The following TMEM132B variants were observed in gnomAD, a reference collection of about 807,000 sequenced individuals.
TMEM132B encodes the protein transmembrane protein 132B.
TMEM132B carries 18 observed loss-of-function variants against 90.8 expected under a neutral mutation model. The observed-to-expected ratio is 0.20, with a 90% CI of 0.14 to 0.29. The LOEUF (loss-of-function observed/expected upper bound fraction) is 0.29. Ranked by LOEUF, TMEM132B falls within the 10% of genes least tolerant of loss-of-function variation. The pLI is 1.00. For missense variants in TMEM132B, 1,096 were observed against 1,326.8 expected (o/e 0.83, Z 2.70); for synonymous variants, 504 against 523.3 (o/e 0.96, Z 0.50).
chr12:125,239,325 A>G (rs1285464771), intron 1 of TMEM132B, among the ~76,000 whole-genome samples: 1 of 152,158 alleles, frequency 6.6e-6, no homozygotes, highest in Non-Finnish European at 1.5e-5. Context: ...TGGGGATTGA[A>G]TTATAGTCAT....
At chr12:125,527,384 C>G (rs1437864438) in intron 4 of TMEM132B, among the ~76,000 whole-genome samples, 3 of 137,474 alleles carry the variant, frequency 2.2e-5, no homozygotes, top group African/African-American at 8.2e-5. Context: ...ACTCTTCCAT[C>G]CACCCATCCA....
chr12:125,417,159 G>A (rs1323683130), intron 3 of TMEM132B, among the ~76,000 whole-genome samples: 2 of 152,066 alleles, frequency 1.3e-5, no homozygotes, highest in Non-Finnish European at 2.9e-5. Context: ...GTCACAAGAT[G>A]TCTGCAGCTC....
intron 1 of TMEM132B, among the ~76,000 whole-genome samples, chr12:125,302,190 C>G: frequency 6.6e-6 from 1 of 151,674 alleles, no homozygotes; most frequent in Non-Finnish European, 1.5e-5. Flanking sequence ...CAGAGGGAGA[C>G]TCTGTCTCAA....
intron 3 of TMEM132B, among the ~76,000 whole-genome samples, chr12:125,429,366 A>AT (rs35253420): frequency 1.1e-4 from 17 of 150,528 alleles, no homozygotes; most frequent in Admixed American, 3.3e-4. Flanking sequence ...TGCCTAGATA[A>AT]TTTTTTTTTT....
chr12:125,284,710 T>A (rs1487786956), intron 1 of TMEM132B, among the ~76,000 whole-genome samples: 1 of 152,196 alleles, frequency 6.6e-6, no homozygotes, highest in Non-Finnish European at 1.5e-5. Flanking sequence ...GATGCTGCAG[T>A]GTTCTTGTAT....
chr12:125,294,210 C>T (rs1875612334), intron 1 of TMEM132B, among the ~76,000 whole-genome samples: 1 of 152,234 alleles, frequency 6.6e-6, no homozygotes. Flanking sequence ...CTATAATAAA[C>T]TGGCTTTTGT....
chr12:125,442,683 C>T (rs1880907730), intron 3 of TMEM132B, among the ~76,000 whole-genome samples: 1 of 152,210 alleles, frequency 6.6e-6, no homozygotes, highest in African/African-American at 2.4e-5. Context: ...GATCAGGTAT[C>T]AGATAAGGGA....
chr12:125,287,112 G>C (rs1208215651), intron 1 of TMEM132B, among the ~76,000 whole-genome samples: 2 of 150,016 alleles, frequency 1.3e-5, no homozygotes, highest in Admixed American at 6.7e-5. Flanking sequence ...CTTCAAATCA[G>C]CCTCCCTCTC....
chr12:125,256,517 C>T (rs1374928658), intron 1 of TMEM132B, among the ~76,000 whole-genome samples: 2 of 152,164 alleles, frequency 1.3e-5, no homozygotes, highest in Non-Finnish European at 2.9e-5. Context: ...CAGCCACACC[C>T]ATCATTTACA....
At chr12:125,555,325 A>G (rs993668405) in intron 4 of TMEM132B, among the ~76,000 whole-genome samples, 1 of 152,114 alleles carries the variant, frequency 6.6e-6, no homozygotes, top group Admixed American at 6.5e-5. Context: ...TGAAGTTAAT[A>G]TAAAAACAAG....
intron 3 of TMEM132B, among the ~76,000 whole-genome samples, chr12:125,515,136 A>C (rs1592966821): frequency 6.6e-6 from 1 of 152,138 alleles, no homozygotes. Context: ...ACGCAGACAC[A>C]CTCACACAAA....
intron 4 of TMEM132B, among the ~76,000 whole-genome samples, chr12:125,520,583 T>C (rs1883283369): frequency 1.3e-5 from 2 of 152,204 alleles, no homozygotes; most frequent in Non-Finnish European, 2.9e-5. Flanking sequence ...TGGGTCCTTT[T>C]CCCCACCTCA....
intron 2 of TMEM132B, among the ~76,000 whole-genome samples, chr12:125,369,218 T>A (rs1210996528): frequency 6.6e-6 from 1 of 152,236 alleles, no homozygotes; most frequent in Admixed American, 6.5e-5. Context: ...TTTTTATGGC[T>A]GCATAGTATT....
intron 1 of TMEM132B, among the ~76,000 whole-genome samples, chr12:125,218,126 G>A (rs1008426939): frequency 6.6e-6 from 1 of 152,088 alleles, no homozygotes; most frequent in Non-Finnish European, 1.5e-5. Context: ...GCAAATAGGT[G>A]GAGCAACACC....
chr12:125,645,377 C>A lies in TMEM132B; in HGVS notation c.1643+1096C>A, dbSNP rs984659539. Among the ~76,000 whole-genome samples, 5 of 152,130 alleles carry A rather than the reference C, an allele frequency of 3.3e-5. No homozygotes were observed. In the South Asian group the frequency reaches 8.3e-4, roughly 25 times the overall value. On this transcript the variant is annotated intron_variant, in intron 6 of 8. Coordinates refer to ENST00000682704, the MANE Select transcript of TMEM132B (RefSeq NM_001366854.1). ...ACAGAGATTAGCCAGGTGGTGGGAC[C>A]CAACAGATAAGCCCTCTGCAAGCAG...
At chr12:125,544,141 T>C (rs1884028422) in intron 4 of TMEM132B, among the ~76,000 whole-genome samples, 1 of 151,500 alleles carries the variant, frequency 6.6e-6, no homozygotes, top group African/African-American at 2.4e-5. Flanking sequence ...TAGGTGGGAG[T>C]TGAACAGTGA....
chr12:125,521,247 C>A (rs7973814), intron 4 of TMEM132B, among the ~76,000 whole-genome samples: 4 of 151,950 alleles, frequency 2.6e-5, no homozygotes, highest in African/African-American at 9.7e-5. Context: ...CCTTCACTTC[C>A]CCTCCTTCTC....
rs377316878 is a variant in TMEM132B, at chr12:125,367,385, C to T, written c.959+17042C>T. Among the ~76,000 whole-genome samples the T allele has an allele frequency of 2.4e-4, 36 of 152,298 alleles. No homozygotes were observed. The East Asian group carries it at 6.4e-3, about 27-fold the overall frequency. ...AGATCTCTTTCTTGGATCATAAGTACAATCTCAGTATGGATCTTTTATCTT... is the reference window on the plus strand; with the variant it reads ...AGATCTCTTTCTTGGATCATAAGTATAATCTCAGTATGGATCTTTTATCTT... On this transcript the variant is annotated intron_variant, in intron 2 of 8. Transcript: ENST00000682704.
At chr12:125,255,360 G>C (rs1479467938) in intron 1 of TMEM132B, among the ~76,000 whole-genome samples, 1 of 152,076 alleles carries the variant, frequency 6.6e-6, no homozygotes, top group Non-Finnish European at 1.5e-5. Flanking sequence ...GGTGGGGGTT[G>C]TAGAGCCACA....
Sources: allele counts gnomAD v4.1 joint callset (sites outside exome capture counted in the v4.1 genomes callset), GRCh38; gene constraint gnomAD v4.1.1; transcripts MANE v1.5; gene names NCBI Gene and HGNC (gene_info 2026-07-23, HGNC 2026-07-21).